Variants in MAP4K2 observed in about 807,000 individuals in gnomAD.
MAP4K2 encodes B lymphocyte serine/threonine protein kinase.
A neutral mutation model predicts 125.3 loss-of-function variants in MAP4K2; 85 were observed. That is an observed-to-expected ratio of 0.68 (90% confidence interval 0.57 to 0.81). MAP4K2 has a LOEUF of 0.81. Ranked by LOEUF, MAP4K2 falls within the 40% of genes least tolerant of loss-of-function variation. The pLI is 0.00. For missense variants in MAP4K2, 923 were observed against 1,056.4 expected, an observed-to-expected ratio of 0.87 and a Z score of 1.75; for synonymous variants, 479 against 445.1, an observed-to-expected ratio of 1.08 and a Z score of -0.96.
chr11:64,790,447 G>C lies in MAP4K2; in HGVS notation c.2108C>G (p.Ser703Trp). 6.2e-7 allele frequency: 1 copy of C among 1,614,028 alleles called. No homozygotes were observed. Among genetic ancestry groups the C allele is most frequent in the Non-Finnish European group, 8.5e-7 (1 of 1,180,014 alleles). The change falls in exon 28 of 32, where the codon TCG becomes TGG. Residue 703 changes from serine to tryptophan, a missense_variant. Around this residue, in one of 2 missense-constraint regions of MAP4K2, gnomAD observed 833 missense variants for 911.4 expected, o/e 0.91. Transcript: ENST00000294066. Reference protein sequence around the residue: ...ILIPPEGIPGSAQQVIQVDRD... With the variant: ...ILIPPEGIPGWAQQVIQVDRD... ...GTCCACCTGGATCACCTGCTGGGCC[G>C]AGCCTGGGATCCCCTCTGCAGGCAG...
chr11:64,801,568 A>T lies in MAP4K2; in HGVS notation c.457+11T>A, dbSNP rs371419464. On this transcript the variant is annotated intron_variant, in intron 7 of 31. Transcript: ENST00000294066. ...GAGCCCTCACCCTGATGGTGTCCCC[A>T]GGGTACTGACCCAGTTTGACATCTC... 1 of 1,613,822 alleles carries T rather than the reference A, an allele frequency of 6.2e-7. No individual in the cohort carries two copies. Among genetic ancestry groups the T allele is most frequent in the South Asian group, 1.1e-5 (1 of 91,086 alleles).
In MAP4K2 at chr11:64,797,009, G is replaced by C. The variant is rs763743342; in HGVS notation, c.1380C>G (p.His460Gln). The change falls in exon 20 of 32, where the codon CAC becomes CAG. Residue 460 changes from histidine (H) to glutamine (Q), a missense_variant. This residue lies in a region of MAP4K2 where 833 missense variants were observed against 911.4 expected (regional missense o/e 0.91). Transcript: ENST00000294066. ...QREDPERSSC[H>Q]GLPPTPKVHM... ...GCACCTTGGGAGTTGGGGGGAGCCC[G>C]TGGCAGGATGACCTCTGGGAGGGAG... is the stretch of plus-strand genomic sequence containing the variant. 3 of 1,613,960 alleles carry C rather than the reference G, an allele frequency of 1.9e-6. No homozygotes were observed. Among genetic ancestry groups the C allele is most frequent in the Non-Finnish European group, 2.5e-6 (3 of 1,179,958 alleles).
At chr11:64,796,954 G>A in intron 20 of MAP4K2, 28 bp downstream of exon 20, 2 of 1,613,876 alleles carry the variant, frequency 1.2e-6, no homozygotes, top group Non-Finnish European at 1.7e-6. Flanking sequence ...AGGGCTGTGG[G>A]ACTGCAGGGC....
rs773339176 is a variant in MAP4K2, at chr11:64,800,144, G to C, written c.880C>G (p.Leu294Val). 3.1e-6 allele frequency: 5 copies of C among 1,612,260 alleles called. No homozygotes were observed. The East Asian group carries it at 8.9e-5, about 29-fold the overall frequency. Residue 294 changes from leucine (L) to valine (V), a missense_variant, in exon 12 of 32, where the codon CTG becomes GTG. By Grantham distance (32) the Leu-to-Val change is conservative. Transcript: ENST00000294066. Reference protein sequence around the residue: ...QLLDKASDPHLGTPSPEDCEL... With the variant: ...QLLDKASDPHVGTPSPEDCEL... ...CAGTCCTCAGGGGAGGGGGTCCCCA[G>C]ATGAGGGTCACTGGCTTTGTCCAGC...
chr11:64,790,486 G>A (rs1217548417), intron 27 of MAP4K2, 24 bp from the exon 28 acceptor site: 1 of 1,611,568 alleles, frequency 6.2e-7, no homozygotes, highest in Non-Finnish European at 8.5e-7. Context: ...AGAGAGACAT[G>A]GCCTGGCTGA....
rs1237084237 is a variant in MAP4K2, at chr11:64,797,658, C to G, written c.1104G>C (p.Leu368=). 1 of 1,569,886 alleles carries G rather than the reference C, an allele frequency of 6.4e-7. No homozygotes were observed. Among genetic ancestry groups the G allele is most frequent in the East Asian group, 2.3e-5 (1 of 42,802 alleles). ...CCAGGGCCTCCTGGACCGACTGCAG[C>G]AGGCTCCTGGGCAGTGGGGAAAAGG... is the stretch of plus-strand genomic sequence containing the variant. The part of the protein sequence containing the change: ...LLGKEELSGS[L]LQSVQEALEE... The change falls in exon 16 of 32, where the codon CTG becomes CTC. Residue 368 remains leucine, a synonymous_variant. Transcript: ENST00000294066.
At position 64,790,591 on chromosome 11, in the gene MAP4K2, G is replaced by A. The variant is rs1940420821; in HGVS notation, c.2093-129C>T. 3.7e-6 allele frequency: 3 copies of A among 808,098 alleles called. No homozygotes were observed. The Admixed American group carries it at 6.5e-5, about 18-fold the overall frequency. 50.1% of individuals were successfully genotyped at this position (808,098 alleles called of 1,614,324 possible). ...GTCAGCCTCACAACAGCCCTGTGGG[G>A]CTGGGAAACCTCATCTCCCTCCAGG... is the stretch of plus-strand genomic sequence containing the variant. On this transcript the variant is annotated intron_variant, in intron 27 of 31. Coordinates refer to ENST00000294066, the MANE Select transcript of MAP4K2 (RefSeq NM_004579.5).
chr11:64,799,329 CA>C, intron 14 of MAP4K2, 91 bp downstream of exon 14: 1 of 1,510,602 alleles, frequency 6.6e-7, no homozygotes. Context: ...CACCCAGCTT[CA>C]AATCTCCCTT....
At chr11:64,799,746 G>A in intron 12 of MAP4K2, 63 bp from the exon 13 acceptor site, 1 of 1,377,388 alleles carries the variant, frequency 7.3e-7, no homozygotes, top group Non-Finnish European at 1.0e-6. Context: ...GGCTGCTCTA[G>A]GAGCTTCACA....
intron 7 of MAP4K2, 129 bp from the exon 8 acceptor site, chr11:64,801,312 G>A (rs1335166526): frequency 2.4e-5 from 28 of 1,189,344 alleles, no homozygotes; most frequent in Non-Finnish European, 3.0e-5. Context: ...CACAGCTGCC[G>A]CAGGCCCTAG....
chr11:64,794,153 T>C lies in MAP4K2; in HGVS notation c.1752-1731A>G, dbSNP rs868338633. On this transcript the variant is annotated intron_variant, in intron 24 of 31. Coordinates refer to ENST00000294066, the MANE Select transcript of MAP4K2 (RefSeq NM_004579.5). ...AGCCATGGACTGACGCAGGTCCCAC[T>C]TGCACATCTAATAAGCATGTTCATG... Among the ~76,000 whole-genome samples, 8 of 152,214 alleles carry C rather than the reference T, an allele frequency of 5.3e-5. No homozygotes were observed. In the South Asian group the frequency reaches 1.2e-3, roughly 24 times the overall value.
intron 24 of MAP4K2, among the ~76,000 whole-genome samples, chr11:64,793,224 AAG>A (rs1940606641): frequency 6.6e-6 from 1 of 151,616 alleles, no homozygotes; most frequent in Non-Finnish European, 1.5e-5. Flanking sequence ...CTCAAAAAAA[AAG>A]AAAAAGAAAA....
rs770746263 is a variant in MAP4K2 at position 64,801,010 on chromosome 11, A to G, written c.552T>C (p.Ala184=). The part of the protein sequence containing the change: ...TPYWMAPEVA[A]VERKGGYNEL... ...CATTGTAGCCACCTTTGCGCTCCAC[A>G]GCAGCCACCTCGGGAGCCATCCTAG... is the stretch of plus-strand genomic sequence containing the variant. The change falls in exon 9 of 32, where the codon GCT becomes GCC. Residue 184 remains alanine (A), a synonymous_variant. Coordinates refer to ENST00000294066, the MANE Select transcript of MAP4K2 (RefSeq NM_004579.5). 1 of 1,613,902 alleles carries G rather than the reference A, an allele frequency of 6.2e-7. No individual in the cohort carries two copies. The highest frequency in any genetic ancestry group is 1.1e-5 in the South Asian group (1 of 91,088).
intron 30 of MAP4K2, 27 bp from the exon 31 acceptor site, chr11:64,789,812 G>A: frequency 3.1e-6 from 5 of 1,614,118 alleles, no homozygotes; most frequent in Non-Finnish European, 4.2e-6. Flanking sequence ...GAAGCACTGA[G>A]GCCACTCCAG....
Position 64,799,460 on chromosome 11 carries a change from G to A in MAP4K2, c.1014C>T (p.Gly338=), listed in dbSNP as rs1392825307. 2 of 1,611,014 alleles carry A rather than the reference G, an allele frequency of 1.2e-6. No homozygotes were observed. The highest frequency in any genetic ancestry group is 1.7e-5 in the Admixed American group (1 of 58,828). The change falls in exon 14 of 32, where the codon GGC becomes GGT. Residue 338 remains glycine (G), a synonymous_variant. Transcript: ENST00000294066. ...GGTCAGTTTCCTTCCTGCGTGGGGC[G>A]CCAAATTTCACCTGGTGAACTGGGG... ...SEIQFHQVKF[G]APRRKETDPL... is the part of the protein sequence containing the mutation.
At chr11:64,792,126 C>T (rs1940521927) in intron 26 of MAP4K2, 40 bp from the exon 27 acceptor site, 2 of 1,582,758 alleles carry the variant, frequency 1.3e-6, no homozygotes, top group African/African-American at 1.3e-5. Flanking sequence ...CATTTCTCCC[C>T]CCAGAGCTCT....
rs752968190 is a variant in MAP4K2 at position 64,799,480 on chromosome 11, C to G, written c.995-1G>C. The stretch of plus-strand genomic sequence containing the variant: ...GGGGCGCCAAATTTCACCTGGTGAA[C>G]TGGGGGGCCCAGAGTACAAGAGTGA... On this transcript the variant is annotated splice_acceptor_variant, in intron 13 of 31. Transcript: ENST00000294066. LOFTEE classifies it high-confidence loss of function. 6.2e-7 allele frequency: 1 copy of G among 1,610,904 alleles called. No homozygotes were observed. The highest frequency in any genetic ancestry group is 1.1e-5 in the South Asian group (1 of 90,760).
chr11:64,792,283 G>T lies in MAP4K2; in HGVS notation c.1811-8C>A. ...CCGTGTAGGGGTTCCGCACTGGCAGGGGAGCAGGCAGTGGGCACCGGGCTG... is the reference window on the plus strand; with the variant it reads ...CCGTGTAGGGGTTCCGCACTGGCAGTGGAGCAGGCAGTGGGCACCGGGCTG... On this transcript the variant is annotated splice_region_variant and splice_polypyrimidine_tract_variant and intron_variant, in intron 25 of 31. Coordinates refer to ENST00000294066, the MANE Select transcript of MAP4K2 (RefSeq NM_004579.5). The T allele has an allele frequency of 6.2e-7, 1 of 1,606,532 alleles. No individual in the cohort carries two copies. Among genetic ancestry groups the T allele is most frequent in the Admixed American group, 1.7e-5 (1 of 59,378 alleles).
Position 64,790,390 on chromosome 11 carries a change from T to C in MAP4K2, c.2161+4A>G. 6.2e-7 allele frequency: 1 copy of C among 1,614,138 alleles called. No homozygotes were observed. The highest frequency in any genetic ancestry group is 8.5e-7 in the Non-Finnish European group (1 of 1,180,004). On this transcript the variant is annotated splice_donor_region_variant and intron_variant, in intron 28 of 31. Coordinates refer to ENST00000294066, the MANE Select transcript of MAP4K2 (RefSeq NM_004579.5). ...GCCCTAAGCCCTGCCCCCAGGGCAC[T>C]CACGTTCAAAGCTGACTAGGATTGT...
Sources: gnomAD v4.1 joint callset for allele counts (sites outside exome capture counted in the v4.1 genomes callset) on GRCh38, gnomAD v4.1.1 for gene constraint, gnomAD v4.1.1 regional missense constraint, MANE v1.5 for transcripts, NCBI Gene and HGNC (gene_info 2026-07-23, HGNC 2026-07-21) for gene names.